APP: variants seen among roughly 807,000 people sequenced by gnomAD.
The protein encoded by APP is amyloid-beta precursor protein.
A neutral mutation model predicts 101.4 loss-of-function variants in APP; 31 were observed. The ratio of observed to expected loss-of-function variants is 0.31; its 90% CI spans 0.23 to 0.41. APP has a LOEUF of 0.41. Ranked by LOEUF, APP falls within the 10% of genes least tolerant of loss-of-function variation. APP has a pLI of 1.00. For missense variants in APP, 839 were observed against 1,003.7 expected (o/e 0.84, Z 2.22); for synonymous variants, 366 against 364.4 (o/e 1.00, Z -0.05).
At chr21:25,912,008 A>ACAGCAGCAG in intron 13 of APP, 46 bp from the exon 14 acceptor site, 1 of 1,444,406 alleles carries the variant, frequency 6.9e-7, no homozygotes, top group Non-Finnish European at 9.7e-7. Flanking sequence ...AACAATCACA[A>ACAGCAGCAG]CAGCAGCAGC....
intron 13 of APP, among the ~76,000 whole-genome samples, chr21:25,930,315 A>AATG (rs2040086156): frequency 6.6e-6 from 1 of 152,178 alleles, no homozygotes; most frequent in Non-Finnish European, 1.5e-5. Flanking sequence ...CAAGCAAATG[A>AATG]ATGAATTGGG....
intron 13 of APP, among the ~76,000 whole-genome samples, chr21:25,954,046 C>T (rs1336659613): frequency 1.3e-5 from 2 of 152,178 alleles, no homozygotes; most frequent in African/African-American, 4.8e-5. Flanking sequence ...TCATGGCTTC[C>T]CTGCTCAGCC....
intron 16 of APP, among the ~76,000 whole-genome samples, chr21:25,894,700 G>A (rs1250941380): frequency 6.6e-6 from 1 of 152,206 alleles, no homozygotes; most frequent in East Asian, 1.9e-4. Flanking sequence ...TCTTGCAATG[G>A]AATCTACTCT....
rs1475431976 is a variant in APP, at chr21:25,982,524, A to G, written c.1091-47T>C. The G allele has an allele frequency of 1.9e-6, 3 of 1,590,474 alleles. No homozygotes were observed. In the South Asian group the frequency reaches 3.3e-5, roughly 18 times the overall value. ...GGTTTGAGAAAAAAAAGCCAACAAC[A>G]ACAGAATAATCCACTCGTTTAATAG... On this transcript the variant is annotated intron_variant, in intron 8 of 17. Coordinates refer to ENST00000346798, the MANE Select transcript of APP (RefSeq NM_000484.4).
chr21:25,966,745 G>A (rs753856170), intron 11 of APP, among the ~76,000 whole-genome samples: 15 of 152,060 alleles, frequency 9.9e-5, no homozygotes, highest in African/African-American at 1.9e-4. Flanking sequence ...GGCAATTAGC[G>A]GTATCATATA....
At chr21:26,163,834 C>T (rs1026995143) in intron 1 of APP, among the ~76,000 whole-genome samples, 1 of 152,068 alleles carries the variant, frequency 6.6e-6, no homozygotes, top group Non-Finnish European at 1.5e-5. Context: ...AAGCTAAAAA[C>T]CTTTTATTTT....
At chr21:26,019,069 T>C (rs1033188541) in intron 6 of APP, among the ~76,000 whole-genome samples, 1 of 152,252 alleles carries the variant, frequency 6.6e-6, no homozygotes, top group African/African-American at 2.4e-5. Context: ...ATCCTCTCAT[T>C]GTACTGCATA....
intron 1 of APP, among the ~76,000 whole-genome samples, chr21:26,144,014 TG>T (rs2063102694): frequency 6.6e-6 from 1 of 152,134 alleles, no homozygotes; most frequent in African/African-American, 2.4e-5. Context: ...TCAGCATGGC[TG>T]GGGAGGCCTC....
intron 16 of APP, among the ~76,000 whole-genome samples, chr21:25,896,418 TCACA>T (rs149942292): frequency 3.0e-4 from 45 of 149,456 alleles, no homozygotes; most frequent in South Asian, 6.3e-4. Context: ...AAAGTAACAC[TCACA>T]CACACACACA....
At chr21:26,040,967 G>T (rs1480615788) in intron 5 of APP, among the ~76,000 whole-genome samples, 1 of 152,190 alleles carries the variant, frequency 6.6e-6, no homozygotes, top group African/African-American at 2.4e-5. Context: ...AACTAAAAGT[G>T]TTACTTTGTA....
chr21:26,100,805 T>C (rs918398970), intron 2 of APP, among the ~76,000 whole-genome samples: 9 of 152,276 alleles, frequency 5.9e-5, no homozygotes, highest in African/African-American at 1.9e-4. Context: ...CAGATAATGT[T>C]AAATGGTGGG....
At chr21:25,961,949 T>C (rs7282032) in intron 11 of APP, among the ~76,000 whole-genome samples, 20,081 of 152,072 alleles carry the variant, frequency 0.13, 3,545 homozygotes, top group African/African-American at 0.39. Flanking sequence ...ATCACCCTCA[T>C]GTCTTTAAAT....
At chr21:25,891,990 A>C (rs768417419) in intron 16 of APP, 122 bp from the exon 17 acceptor site, 163 of 1,051,866 alleles carry the variant, frequency 1.5e-4, no homozygotes, top group Non-Finnish European at 2.2e-4. Context: ...AGGTTATATA[A>C]AAAGTTTCAG....
At chr21:25,964,995 A>G (rs1342764332) in intron 11 of APP, among the ~76,000 whole-genome samples, 1 of 152,232 alleles carries the variant, frequency 6.6e-6, no homozygotes, top group Non-Finnish European at 1.5e-5. Context: ...GACCACAGTC[A>G]TAAATTAGTG....
intron 7 of APP, among the ~76,000 whole-genome samples, chr21:25,999,329 C>T (rs1036960153): frequency 6.6e-6 from 1 of 152,026 alleles, no homozygotes; most frequent in Non-Finnish European, 1.5e-5. Flanking sequence ...TTCCTCGAGC[C>T]TTATGTCATT....
At chr21:26,146,639 G>A (rs568242847) in intron 1 of APP, among the ~76,000 whole-genome samples, 6 of 152,122 alleles carry the variant, frequency 3.9e-5, no homozygotes, top group Non-Finnish European at 4.4e-5. Context: ...GTTGAGAAAG[G>A]GGAATACAGA....
intron 13 of APP, among the ~76,000 whole-genome samples, chr21:25,924,439 A>G (rs2039790851): frequency 7.4e-6 from 1 of 135,866 alleles, no homozygotes; most frequent in Non-Finnish European, 1.6e-5. Flanking sequence ...GAAAAAAAAA[A>G]AGGTTGAGTT....
intron 11 of APP, among the ~76,000 whole-genome samples, chr21:25,972,332 GA>G (rs897033527): frequency 3.3e-5 from 5 of 150,826 alleles, no homozygotes; most frequent in Admixed American, 6.6e-5. Flanking sequence ...TGTAAAAACA[GA>G]AAAAAAAGAC....
chr21:26,012,571 T>C (rs1363695080), intron 6 of APP, among the ~76,000 whole-genome samples: 1 of 152,208 alleles, frequency 6.6e-6, no homozygotes, highest in Non-Finnish European at 1.5e-5. Flanking sequence ...CACTCTGCTT[T>C]TGGAAACTCA....
Sources: gnomAD v4.1 joint callset for allele counts (sites outside exome capture counted in the v4.1 genomes callset) on GRCh38, gnomAD v4.1.1 for gene constraint, MANE v1.5 for transcripts, NCBI Gene and HGNC (gene_info 2026-07-23, HGNC 2026-07-21) for gene names.